Variants in CARMIL2 observed in about 807,000 individuals in gnomAD.
The protein encoded by CARMIL2 is capping protein, Arp2/3 and myosin-I linker protein 2.
A neutral mutation model predicts 173.3 loss-of-function variants in CARMIL2; 96 were observed. The ratio of observed to expected loss-of-function variants is 0.55; its 90% confidence interval spans 0.47 to 0.66. The LOEUF is 0.66. Ranked by LOEUF, CARMIL2 falls within the 30% of genes least tolerant of loss-of-function variation. CARMIL2 has a pLI of 0.00. For missense variants in CARMIL2, 1,771 were observed against 1,906.7 expected (o/e 0.93, Z 1.33); for synonymous variants, 830 against 817.1 (o/e 1.02, Z -0.27).
At position 67,651,485 on chromosome 16, in the gene CARMIL2, G is replaced by C; in HGVS notation, c.2398G>C (p.Val800Leu). Residue 800 changes from valine (V) to leucine (L), a missense_variant, in exon 24 of 38, where the codon GTG (valine) becomes CTG (leucine). Around this residue, in one of 3 missense-constraint regions of CARMIL2, gnomAD observed 817 missense variants for 903.5 expected, o/e 0.90. Coordinates refer to ENST00000334583, the MANE Select transcript of CARMIL2 (RefSeq NM_001013838.3). The surrounding 1 kb of genome is among the most constrained non-coding windows in gnomAD (Gnocchi z 4.2). ...GAAGCTGGAGGGCCTTCTGAGACAG[G>C]TGGGCGAGGTCTGCCGCCAGGACAT... ...GQKLEGLLRQ[V>L]GEVCRQDIQD... 3 of 1,597,102 alleles carry C rather than the reference G, an allele frequency of 1.9e-6. No individual in the cohort carries two copies. Among genetic ancestry groups the C allele is most frequent in the Non-Finnish European group, 2.6e-6 (3 of 1,170,954 alleles).
At position 67,646,797 on chromosome 16, in the gene CARMIL2, C is replaced by T; in HGVS notation, c.537+13C>T. The T allele has an allele frequency of 1.9e-6, 3 of 1,613,652 alleles. No individual in the cohort carries two copies. Among genetic ancestry groups the T allele is most frequent in the Non-Finnish European group, 2.5e-6 (3 of 1,179,626 alleles). On this transcript the variant is annotated intron_variant, in intron 7 of 37. Transcript: ENST00000334583. The surrounding 1 kb of genome is among the most constrained non-coding windows in gnomAD (Gnocchi z 4.6). ...GGAGATTCAGTGGGTGAGGGTAGGG[C>T]CCTTTTGAAGGGCTCTGGAGACATC...
At position 67,653,209 on chromosome 16, in the gene CARMIL2, G is replaced by A. The variant is rs1478274426; in HGVS notation, c.3075G>A (p.Arg1025=). The A allele has an allele frequency of 1.1e-5, 12 of 1,136,560 alleles. No homozygotes were observed. The highest frequency in any genetic ancestry group is 1.3e-5 in the Non-Finnish European group (12 of 926,638). The allele number at this position is 1,136,560 out of a possible 1,614,324, so 70.4% of individuals were successfully genotyped here. ...PLRHPTRARP[R]PRRQHHHRPP... ...GCCATCCGACCCGGGCCCGGCCGCG[G>A]CCGCGCCGCCAGCACCACCACCGCC... Residue 1025 remains arginine, a synonymous_variant, in exon 29 of 38, where the codon CGG becomes CGA. Coordinates refer to ENST00000334583, the MANE Select transcript of CARMIL2 (RefSeq NM_001013838.3). The surrounding 1 kb of genome is among the most constrained non-coding windows in gnomAD (Gnocchi z 7.4).
chr16:67,647,635 C>A (rs1291260985), intron 11 of CARMIL2, 33 bp downstream of exon 11: 1 of 1,602,410 alleles, frequency 6.2e-7, no homozygotes. Flanking sequence ...CAGGGGTGGG[C>A]AGCAGGAGGA....
At position 67,647,137 on chromosome 16, in the gene CARMIL2, T is replaced by C; in HGVS notation, c.633T>C (p.Ala211=). ...LGSRDLALSV[A]ALSYNLWFRC... ...CCAGGGACCTGGCCTTGAGTGTGGC[T>C]GCCCTGTCCTACAACCTGTGGTTCC... Residue 211 remains alanine (A), a synonymous_variant, in exon 9 of 38, where the codon GCT becomes GCC. Transcript: ENST00000334583. 1 of 1,613,794 alleles carries C rather than the reference T, an allele frequency of 6.2e-7. No homozygotes were observed. Among genetic ancestry groups the C allele is most frequent in the Non-Finnish European group, 8.5e-7 (1 of 1,179,858 alleles).
At chr16:67,647,408 C>G (rs750860735) in intron 10 of CARMIL2, 21 bp downstream of exon 10, 1 of 1,565,268 alleles carries the variant, frequency 6.4e-7, no homozygotes, top group African/African-American at 1.4e-5. Flanking sequence ...CAGGGCAGGG[C>G]TTGGAGAGGA....
In CARMIL2 at chr16:67,646,610, C is replaced by A; in HGVS notation, c.466+93C>A. On this transcript the variant is annotated intron_variant, in intron 6 of 37. Transcript: ENST00000334583. The surrounding 1 kb of genome is among the most constrained non-coding windows in gnomAD (Gnocchi z 4.6). ...TGGGGGGGCCCCAAACTGAACAGAG[C>A]CATTCAGGTCCCAGCCACCACCTAG... 1 of 1,561,264 alleles carries A rather than the reference C, an allele frequency of 6.4e-7. No individual in the cohort carries two copies. Among genetic ancestry groups the A allele is most frequent in the Non-Finnish European group, 8.8e-7 (1 of 1,133,800 alleles).
At chr16:67,656,903 T>C in intron 36 of CARMIL2, 22 bp downstream of exon 36, 1 of 1,515,930 alleles carries the variant, frequency 6.6e-7, no homozygotes, top group Non-Finnish European at 8.9e-7. Context: ...CACCTCCACG[T>C]GTGCTTGAAT....
At position 67,646,561 on chromosome 16, in the gene CARMIL2, C is replaced by A; in HGVS notation, c.466+44C>A. The A allele has an allele frequency of 6.3e-7, 1 of 1,598,076 alleles. No homozygotes were observed. The highest frequency in any genetic ancestry group is 1.3e-5 in the African/African-American group (1 of 74,698). On this transcript the variant is annotated intron_variant, in intron 6 of 37. Coordinates refer to ENST00000334583, the MANE Select transcript of CARMIL2 (RefSeq NM_001013838.3). This position sits in a 1 kb window ranked among gnomAD's most constrained non-coding sequence, Gnocchi z 4.6. ...CCACAGGCCTTCCAGCCTGCCCCAC[C>A]TCTGCCTCCCCAGACCCGCAAGCTG... is the stretch of plus-strand genomic sequence containing the variant.
At chr16:67,655,520 T>C (rs1454333839) in intron 32 of CARMIL2, among the ~76,000 whole-genome samples, 1 of 152,208 alleles carries the variant, frequency 6.6e-6, no homozygotes, top group African/African-American at 2.4e-5. Context: ...CTGTTCAGAC[T>C]CCACAACCTG....
At chr16:67,647,652 A>C (rs1290141048) in intron 11 of CARMIL2, 28 bp from the exon 12 acceptor site, 1 of 1,599,704 alleles carries the variant, frequency 6.3e-7, no homozygotes. Flanking sequence ...AGGAGGTGAG[A>C]CCCACGTGGC....
chr16:67,650,450 G>C (rs374217687), intron 22 of CARMIL2: 1 of 462,460 alleles, frequency 2.2e-6, no homozygotes. Flanking sequence ...TCACATATAC[G>C]TGACTCCCCT....
rs2052599093 is a variant in CARMIL2, at chr16:67,646,625, C to G, written c.467-89C>G. 1.3e-6 allele frequency: 2 copies of G among 1,568,092 alleles called. No individual in the cohort carries two copies. Among genetic ancestry groups the G allele is most frequent in the Non-Finnish European group, 1.8e-6 (2 of 1,139,088 alleles). On this transcript the variant is annotated intron_variant, in intron 6 of 37. Transcript: ENST00000334583. The surrounding 1 kb of genome is among the most constrained non-coding windows in gnomAD (Gnocchi z 4.6). ...CTGAACAGAGCCATTCAGGTCCCAG[C>G]CACCACCTAGTCTGTGGGTCTGGTC...
chr16:67,648,170 C>T lies in CARMIL2; in HGVS notation c.1190C>T (p.Ala397Val). ...GTGGGGGGATGGATGACCGGCAGGG[C>T]GGACTGGAGGGCGGGACGGGGAGGG... The part of the protein sequence containing the change: ...CSVGGWMTGR[A>V]DWRAGRGGLG... Residue 397 changes from alanine (A) to valine (V), a missense_variant, in exon 14 of 38, where the codon GCG (alanine) becomes GTG (valine). Physicochemically the swap from Ala to Val is moderately conservative, Grantham distance 64. Coordinates refer to ENST00000334583, the MANE Select transcript of CARMIL2 (RefSeq NM_001013838.3). The surrounding 1 kb of genome is among the most constrained non-coding windows in gnomAD (Gnocchi z 6.1). The T allele has an allele frequency of 2.7e-6, 4 of 1,507,444 alleles. No individual in the cohort carries two copies. Among genetic ancestry groups the T allele is most frequent in the African/African-American group, 1.4e-5 (1 of 71,330 alleles). 93.4% of individuals were successfully genotyped at this position (1,507,444 alleles called of 1,614,324 possible).
chr16:67,650,401 TTCC>T (rs2052701977), intron 22 of CARMIL2: 1 of 551,730 alleles, frequency 1.8e-6, no homozygotes, highest in African/African-American at 1.9e-5. Flanking sequence ...TTTTATGTCC[TTCC>T]TCAATTTTCC....
chr16:67,654,092 G>GGA, intron 29 of CARMIL2, 57 bp from the exon 30 acceptor site: 1 of 1,091,944 alleles, frequency 9.2e-7, no homozygotes, highest in South Asian at 1.6e-5. Context: ...GGGGGGGGGG[G>GGA]GGGTAGAAGC....
Position 67,653,014 on chromosome 16 carries a change from C to A in CARMIL2, c.2885-5C>A. 1 of 1,269,046 alleles carries A rather than the reference C, an allele frequency of 7.9e-7. No homozygotes were observed. Among genetic ancestry groups the A allele is most frequent in the Non-Finnish European group, 1.0e-6 (1 of 990,466 alleles). The allele number at this position is 1,269,046 out of a possible 1,614,324, so 78.6% of individuals were successfully genotyped here. A position where few individuals can be genotyped will look rare whatever the true frequency, so the allele number is the denominator to read the frequency against. On this transcript the variant is annotated splice_polypyrimidine_tract_variant and splice_region_variant and intron_variant, in intron 28 of 37. Coordinates refer to ENST00000334583, the MANE Select transcript of CARMIL2 (RefSeq NM_001013838.3). This position sits in a 1 kb window ranked among gnomAD's most constrained non-coding sequence, Gnocchi z 7.4. Reference sequence around the variant, plus strand: ...CTCGGTGCTCTTCTGGTGCTGTCCCCTCAGGTGCTGCTGAGGAAGCGGAGC... The same window carrying A: ...CTCGGTGCTCTTCTGGTGCTGTCCCATCAGGTGCTGCTGAGGAAGCGGAGC...
rs747980871 is a variant in CARMIL2, at chr16:67,649,426, A to G, written c.1747-21A>G. The G allele has an allele frequency of 3.7e-6, 6 of 1,611,696 alleles. No individual in the cohort carries two copies. In the South Asian group the frequency reaches 6.6e-5, roughly 18 times the overall value. On this transcript the variant is annotated intron_variant, in intron 19 of 37. Transcript: ENST00000334583. This position sits in a 1 kb window ranked among gnomAD's most constrained non-coding sequence, Gnocchi z 6.7. ...CACTGACCCCTGACTCCAGCCATCA[A>G]TGGCTTTCTCTTAACCCCAGCCTCT...
rs771740056 is a variant in CARMIL2 at position 67,646,468 on chromosome 16, G to T, written c.417G>T (p.Arg139=). 3 of 1,613,600 alleles carry T rather than the reference G, an allele frequency of 1.9e-6. No homozygotes were observed. ...RRPTPASMLA[R]LERSSPSEST... ...CCACACCAGCCTCCATGCTGGCTCGGCTGGAGAGAAGCAGCCCCTCGGAGT... is the reference window on the plus strand; with the variant it reads ...CCACACCAGCCTCCATGCTGGCTCGTCTGGAGAGAAGCAGCCCCTCGGAGT... Residue 139 remains arginine, a synonymous_variant, in exon 6 of 38, where the codon CGG becomes CGT. Transcript: ENST00000334583. The surrounding 1 kb of genome is among the most constrained non-coding windows in gnomAD (Gnocchi z 4.6).
rs2052882132 is a variant in CARMIL2, at chr16:67,657,253, C to G, written c.4132C>G (p.Leu1378Val). The change falls in exon 37 of 38, where the codon CTG (leucine) becomes GTG (valine). Residue 1378 changes from leucine (L) to valine (V), a missense_variant. Around this residue, in one of 3 missense-constraint regions of CARMIL2, gnomAD observed 817 missense variants for 903.5 expected, o/e 0.90. Coordinates refer to ENST00000334583, the MANE Select transcript of CARMIL2 (RefSeq NM_001013838.3). This position sits in a 1 kb window ranked among gnomAD's most constrained non-coding sequence, Gnocchi z 4.5. ...GTGTCCCTTAGAACGGCCCCTGAGGCTGCAGCGCTCCCCCGTCCTCAAACG... is the reference window on the plus strand; with the variant it reads ...GTGTCCCTTAGAACGGCCCCTGAGGGTGCAGCGCTCCCCCGTCCTCAAACG... ...LQAPAERPLR[L>V]QRSPVLKRRP... 1 of 1,613,686 alleles carries G rather than the reference C, an allele frequency of 6.2e-7. No homozygotes were observed. The highest frequency in any genetic ancestry group is 8.5e-7 in the Non-Finnish European group (1 of 1,179,818).
Sources: allele counts gnomAD v4.1 joint callset (sites outside exome capture counted in the v4.1 genomes callset), GRCh38; gene constraint gnomAD v4.1.1; regional missense constraint gnomAD v4.1.1; non-coding constraint Gnocchi (gnomAD v3.1); transcripts MANE v1.5; gene names NCBI Gene and HGNC (gene_info 2026-07-23, HGNC 2026-07-21).